Variants in HTATSF1 observed in about 807,000 individuals in gnomAD.
HTATSF1 encodes the protein HIV-1 Tat specific factor 1, also known as 17S U2 SnRNP complex component HTATSF1.
Under a neutral mutation model 46.1 loss-of-function variants are expected in HTATSF1, and 6 were observed. The observed-to-expected ratio is 0.13, with a 90% CI of 0.07 to 0.26. HTATSF1 has a LOEUF of 0.26. Among genes scored for constraint, HTATSF1 ranks in the 10% least tolerant of loss-of-function variants. HTATSF1 has a pLI of 1.00. For missense variants in HTATSF1, 452 were observed against 559.9 expected, an observed-to-expected ratio of 0.81 and a Z score of 1.94; for synonymous variants, 226 against 211.5, an observed-to-expected ratio of 1.07 and a Z score of -0.60.
intron 6 of HTATSF1, among the ~76,000 whole-genome samples, chrX:136,507,515 C>G (rs762068384): frequency 9.2e-6 from 1 of 108,180 alleles, no homozygotes; most frequent in African/African-American, 3.4e-5. Context: ...GAGCCAAGAT[C>G]GCGCCACTGC....
chrX:136,510,243 GCA>G, intron 8 of HTATSF1, 24 bp downstream of exon 8: 2 of 1,193,773 alleles, frequency 1.7e-6, no homozygotes, highest in Non-Finnish European at 2.3e-6. Flanking sequence ...CTTGTCAAGG[GCA>G]CACACATTGT....
rs760124577 is a variant in HTATSF1 at position 136,511,215 on chromosome X, C to T, written c.1470C>T (p.Pro490=). ...CSQKESEEGN[P]VRGSEEDSPK... ...AAAAAGAGTCTGAAGAAGGCAATCC[C>T]GTAAGAGGATCTGAAGAGGATAGTC... Residue 490 remains proline (P), a synonymous_variant, in exon 9 of 9, where the codon CCC becomes CCT. Transcript: ENST00000218364. The T allele has an allele frequency of 1.7e-5, 21 of 1,206,202 alleles. No homozygotes were observed. In the East Asian group the frequency reaches 4.4e-4, roughly 26 times the overall value.
intron 6 of HTATSF1, among the ~76,000 whole-genome samples, chrX:136,507,353 A>G (rs1475758501): frequency 8.9e-6 from 1 of 111,808 alleles, no homozygotes; most frequent in East Asian, 2.8e-4. Flanking sequence ...TCCTTACTTT[A>G]AAATGCATTG....
chrX:136,505,801 TAAAAC>T lies in HTATSF1; in HGVS notation c.834+1347_834+1351del, dbSNP rs988407071. 2.0e-4 allele frequency among the ~76,000 whole-genome samples: 22 copies of T among 110,722 alleles called. No individual in the cohort carries two copies. The East Asian group carries it at 5.4e-3, about 27-fold the overall frequency. ...GACTCCATCTCAAAACAAAACAAAA[TAAAAC>T]AAAACAAAGAACCAGATCATAGTCA... On this transcript the variant is annotated intron_variant, in intron 6 of 8. Coordinates refer to ENST00000218364, the MANE Select transcript of HTATSF1 (RefSeq NM_014500.5).
intron 7 of HTATSF1, 149 bp downstream of exon 7, chrX:136,509,329 T>G (rs925159657): frequency 2.2e-6 from 1 of 445,349 alleles, no homozygotes; most frequent in African/African-American, 2.4e-5. Context: ...TTAGCAATAA[T>G]GAGATGAACG....
chrX:136,498,010 T>G, intron 1 of HTATSF1, 140 bp downstream of exon 1: 1 of 387,100 alleles, frequency 2.6e-6, no homozygotes, highest in Non-Finnish European at 4.3e-6. Context: ...TTTGTTGTGT[T>G]TGTTGGGGCA....
rs761130069 is a variant in HTATSF1, at chrX:136,511,760, T to A, written c.2015T>A (p.Leu672Gln). Residue 672 changes from leucine (L) to glutamine (Q), a missense_variant, in exon 9 of 9, where the codon CTG becomes CAG. By Grantham distance (113) the Leu-to-Gln change is moderately radical. This residue lies in a region of HTATSF1 where 246 missense variants were observed against 245.3 expected (regional missense o/e 1.00). Coordinates refer to ENST00000218364, the MANE Select transcript of HTATSF1 (RefSeq NM_014500.5). ...GAAGAAGGTGATGCAGATGAAAAGC[T>A]GTTTGAAGAGTCAGATGACAAGGAA... Reference protein sequence around the residue: ...KAEEGDADEKLFEESDDKEDE... With the variant: ...KAEEGDADEKQFEESDDKEDE... The A allele has an allele frequency of 8.3e-6, 10 of 1,211,916 alleles. No individual in the cohort carries two copies. Among genetic ancestry groups the A allele is most frequent in the Non-Finnish European group, 1.0e-5 (9 of 895,549 alleles).
intron 7 of HTATSF1, among the ~76,000 whole-genome samples, chrX:136,509,568 C>T (rs768339795): frequency 8.9e-6 from 1 of 112,169 alleles, no homozygotes; most frequent in Non-Finnish European, 1.9e-5. Context: ...CCTCTTTTTA[C>T]TTCCAGAATT....
At chrX:136,504,935 A>G (rs1192553967) in intron 6 of HTATSF1, among the ~76,000 whole-genome samples, 1 of 112,354 alleles carries the variant, frequency 8.9e-6, no homozygotes, top group Non-Finnish European at 1.9e-5. Context: ...TACATCTGTT[A>G]TGTATCAACT....
rs1412658613 is a variant in HTATSF1, at chrX:136,504,448, T to C, written c.819T>C (p.His273=). 8.3e-7 allele frequency: 1 copy of C among 1,202,746 alleles called. No individual in the cohort carries two copies. Among genetic ancestry groups the C allele is most frequent in the East Asian group, 3.0e-5 (1 of 33,410 alleles). ...TTGTCATCATCAAGAATATGTTTCA[T>C]CCTATGGATTTTGAGGTAGGAAGTG... ...ERVVIIKNMF[H]PMDFEDDPLV... Residue 273 remains histidine (H), a synonymous_variant, in exon 6 of 9, where the codon CAT becomes CAC. Coordinates refer to ENST00000218364, the MANE Select transcript of HTATSF1 (RefSeq NM_014500.5).
intron 1 of HTATSF1, among the ~76,000 whole-genome samples, chrX:136,499,247 C>G (rs750017010): frequency 8.9e-6 from 1 of 112,288 alleles, no homozygotes; most frequent in African/African-American, 3.2e-5. Flanking sequence ...TTATCTGGTT[C>G]TTCCTTTGTT....
In HTATSF1 at chrX:136,512,005, G is replaced by T. The variant is rs1243718856; in HGVS notation, c.2260G>T (p.Asp754Tyr). The T allele has an allele frequency of 1.7e-6, 2 of 1,198,903 alleles. No homozygotes were observed. Among genetic ancestry groups the T allele is most frequent in the Non-Finnish European group, 2.2e-6 (2 of 890,053 alleles). ...TCTCAGTAGCGATGATGATGACGAT[G>T]ATATTTAATCCCTTAAACTTGCTTT... ...FILSSDDDDD[D>Y]I Residue 754 changes from aspartate to tyrosine, a missense_variant, in exon 9 of 9, where the codon GAT becomes TAT. Physicochemically the swap from Asp to Tyr is radical, Grantham distance 160. Transcript: ENST00000218364.
intron 8 of HTATSF1, 127 bp from the exon 9 acceptor site, chrX:136,510,681 A>G: frequency 2.7e-6 from 2 of 751,235 alleles, no homozygotes; most frequent in Non-Finnish European, 3.7e-6. Flanking sequence ...CTGAAGATGG[A>G]ATTGCTTTCA....
chrX:136,499,829 T>G, intron 2 of HTATSF1, 51 bp downstream of exon 2: 1 of 946,953 alleles, frequency 1.1e-6, no homozygotes, highest in East Asian at 3.2e-5. Context: ...AAAATATGGG[T>G]GTGCATAGGT....
chrX:136,509,240 C>G, intron 7 of HTATSF1, 60 bp downstream of exon 7: 1 of 823,011 alleles, frequency 1.2e-6, no homozygotes, highest in Non-Finnish European at 1.8e-6. Context: ...CTTATAAGTT[C>G]TTCTCAGATG....
chrX:136,504,310 CCAA>C, intron 5 of HTATSF1, 51 bp from the exon 6 acceptor site: 2 of 903,454 alleles, frequency 2.2e-6, no homozygotes, highest in Middle Eastern at 2.7e-4. Context: ...TTTTCTCTCT[CCAA>C]CAAGTCTGAA....
chrX:136,503,287 A>C lies in HTATSF1; in HGVS notation c.734+346A>C, dbSNP rs369845252. ...TGAAATCAGTGGTACCAGGAGCTAA[A>C]TTTTTCTATACAGGTTTGTTATAGG... On this transcript the variant is annotated intron_variant, in intron 5 of 8. Coordinates refer to ENST00000218364, the MANE Select transcript of HTATSF1 (RefSeq NM_014500.5). 7.1e-5 allele frequency among the ~76,000 whole-genome samples: 8 copies of C among 111,958 alleles called. No homozygotes were observed. In the East Asian group the frequency reaches 1.9e-3, roughly 27 times the overall value.
At chrX:136,508,781 C>T (rs778631375) in intron 6 of HTATSF1, among the ~76,000 whole-genome samples, 3 of 112,558 alleles carry the variant, frequency 2.7e-5, no homozygotes, top group African/African-American at 9.7e-5. Context: ...TAGGAATTAG[C>T]AGTCTGACTG....
rs778111101 is a variant in HTATSF1, at chrX:136,499,606, A to C, written c.195A>C (p.Glu65Asp). The C allele has an allele frequency of 6.0e-6, 7 of 1,166,798 alleles. No individual in the cohort carries two copies. Among genetic ancestry groups the C allele is most frequent in the Non-Finnish European group, 8.0e-6 (7 of 877,377 alleles). The change falls in exon 2 of 9, where the codon GAA (glutamate) becomes GAC (aspartate). Residue 65 changes from glutamate to aspartate, a missense_variant. Physicochemically the swap from Glu to Asp is conservative, Grantham distance 45. This residue lies in a region of HTATSF1 where 89 missense variants were observed against 92.3 expected (regional missense o/e 0.96). Coordinates refer to ENST00000218364, the MANE Select transcript of HTATSF1 (RefSeq NM_014500.5). Reference protein sequence around the residue: ...DKKAWFPKITEDFIATYQANY... With the variant: ...DKKAWFPKITDDFIATYQANY... ...TTGAATTGCTTGTGTAGATTACTGA[A>C]GATTTCATTGCTACATATCAGGCCA...
Sources: gnomAD v4.1 joint callset for allele counts (sites outside exome capture counted in the v4.1 genomes callset) on GRCh38, gnomAD v4.1.1 for gene constraint, gnomAD v4.1.1 regional missense constraint, MANE v1.5 for transcripts, NCBI Gene and HGNC (gene_info 2026-07-23, HGNC 2026-07-21) for gene names.